The following CSMD1 variants were observed in gnomAD, a reference collection of about 807,000 sequenced individuals.
CSMD1 encodes CUB and Sushi multiple domains 1.
CSMD1 carries 213 observed loss-of-function variants against 417.5 expected under a neutral mutation model. That is an observed-to-expected ratio of 0.51 (90% confidence interval 0.46 to 0.57). CSMD1 has a LOEUF of 0.57. CSMD1 is among the 20% of genes least tolerant of loss of function. The pLI is 0.00. For missense variants in CSMD1, 6,923 were observed against 4,529.7 expected (o/e 1.53, Z -15.17); for synonymous variants, 2,862 against 1,736.8 (o/e 1.65, Z -16.11).
chr8:3,648,885 G>C (rs1033966823), intron 7 of CSMD1, among the ~76,000 whole-genome samples: 1 of 152,138 alleles, frequency 6.6e-6, no homozygotes, highest in Non-Finnish European at 1.5e-5. Context: ...GTTTCTGGTA[G>C]CTAGTGTTTT....
At chr8:3,570,161 C>G (rs1480842289) in intron 10 of CSMD1, among the ~76,000 whole-genome samples, 1 of 152,172 alleles carries the variant, frequency 6.6e-6, no homozygotes, top group Admixed American at 6.5e-5. Context: ...GAACATACAT[C>G]ATGAGTTTTA....
chr8:4,122,359 T>C (rs899374744), intron 3 of CSMD1, among the ~76,000 whole-genome samples: 3 of 152,164 alleles, frequency 2.0e-5, no homozygotes, highest in Non-Finnish European at 4.4e-5. Flanking sequence ...GGATTTACTA[T>C]ATACTCAGTG....
chr8:3,151,450 G>A lies in CSMD1; in HGVS notation c.5978C>T (p.Ser1993Phe). The change falls in exon 40 of 70, where the codon TCT becomes TTT. Residue 1993 changes from serine to phenylalanine, a missense_variant. Coordinates refer to ENST00000635120, the MANE Select transcript of CSMD1 (RefSeq NM_033225.6). ...GGTGCAGTCTAAGTTGTTGGGGTAA[G>A]AACCTGGGAAGCCGGGGCTCAGGAT... ...GVILSPGFPG[S>F]YPNNLDCTWR... 1 of 1,613,914 alleles carries A rather than the reference G, an allele frequency of 6.2e-7. No homozygotes were observed. Among genetic ancestry groups the A allele is most frequent in the African/African-American group, 1.3e-5 (1 of 75,040 alleles).
chr8:3,175,484 C>CCTGA (rs1820865428), intron 37 of CSMD1, among the ~76,000 whole-genome samples: 1 of 52,934 alleles, frequency 1.9e-5, no homozygotes. Flanking sequence ...TCCCTTCCTT[C>CCTGA]CTGCCTGCCT....
intron 7 of CSMD1, among the ~76,000 whole-genome samples, chr8:3,653,599 C>G (rs1230754173): frequency 6.6e-6 from 1 of 152,120 alleles, no homozygotes; most frequent in South Asian, 2.1e-4. Context: ...GTGAGCCACC[C>G]TGCCTGGCCA....
At chr8:4,910,801 C>T (rs1030556879) in intron 1 of CSMD1, among the ~76,000 whole-genome samples, 1 of 152,146 alleles carries the variant, frequency 6.6e-6, no homozygotes, top group Non-Finnish European at 1.5e-5. Context: ...TATAGTCATC[C>T]AATTGATAAA....
rs147921889 is a variant in CSMD1 at position 3,285,041 on chromosome 8, A to C, written c.3951-695T>G. Among the ~76,000 whole-genome samples the C allele has an allele frequency of 1.8e-4, 27 of 152,310 alleles. No individual in the cohort carries two copies. In the East Asian group the frequency reaches 3.9e-3, roughly 22 times the overall value. ...CATTCAGAGGCAGCAGGATCTATGT[A>C]GTCCTATTTAGGGCCATTGAAGCAA... On this transcript the variant is annotated intron_variant, in intron 25 of 69. Coordinates refer to ENST00000635120, the MANE Select transcript of CSMD1 (RefSeq NM_033225.6).
chr8:4,551,631 T>C (rs888558757), intron 2 of CSMD1, among the ~76,000 whole-genome samples: 1 of 152,100 alleles, frequency 6.6e-6, no homozygotes, highest in Admixed American at 6.6e-5. Flanking sequence ...CAGTTTAACA[T>C]ACAGGACAAT....
intron 3 of CSMD1, among the ~76,000 whole-genome samples, chr8:4,184,629 C>A (rs574234877): frequency 3.3e-5 from 5 of 151,974 alleles, no homozygotes; most frequent in Middle Eastern, 3.4e-3. Context: ...ATCAAATGTT[C>A]TCATTTATAA....
At chr8:4,129,033 G>A (rs534433059) in intron 3 of CSMD1, among the ~76,000 whole-genome samples, 5 of 138,376 alleles carry the variant, frequency 3.6e-5, no homozygotes, top group South Asian at 4.6e-4. Flanking sequence ...CCGAGATCGC[G>A]CCACTGCACT....
chr8:3,893,187 AG>A (rs1400828712), intron 5 of CSMD1, among the ~76,000 whole-genome samples: 1 of 151,558 alleles, frequency 6.6e-6, no homozygotes, highest in Non-Finnish European at 1.5e-5. Context: ...ACATGTTCCC[AG>A]GGCACGTCAG....
chr8:3,304,339 A>T (rs1320234716), intron 25 of CSMD1, among the ~76,000 whole-genome samples: 63 of 152,312 alleles, frequency 4.1e-4, no homozygotes, highest in Middle Eastern at 6.8e-3. Flanking sequence ...GCTAATATCA[A>T]GGCTAAGACC....
intron 3 of CSMD1, among the ~76,000 whole-genome samples, chr8:4,338,621 T>C (rs1283078391): frequency 2.0e-5 from 3 of 152,134 alleles, no homozygotes; most frequent in Admixed American, 6.6e-5. Flanking sequence ...AATCTTTAAA[T>C]TAGGTCCATA....
chr8:4,315,506 C>A (rs1173576903), intron 3 of CSMD1, among the ~76,000 whole-genome samples: 1 of 152,082 alleles, frequency 6.6e-6, no homozygotes, highest in Non-Finnish European at 1.5e-5. Context: ...AAAAGTGAAC[C>A]AATAAAGTAG....
chr8:4,066,100 T>G (rs957322394), intron 3 of CSMD1, among the ~76,000 whole-genome samples: 7 of 152,336 alleles, frequency 4.6e-5, no homozygotes, highest in Non-Finnish European at 4.4e-5. Flanking sequence ...AAAACAGTTC[T>G]GAGCTTCCCC....
intron 6 of CSMD1, 147 bp downstream of exon 6, chr8:3,753,783 T>A (rs1797492397): frequency 1.8e-6 from 1 of 546,610 alleles, no homozygotes; most frequent in Non-Finnish European, 3.3e-6. Context: ...AGCTGTCGAC[T>A]ATATGATTTC....
intron 7 of CSMD1, among the ~76,000 whole-genome samples, chr8:3,696,669 T>G (rs181579888): frequency 1.2e-4 from 18 of 152,348 alleles, no homozygotes; most frequent in Non-Finnish European, 1.8e-4. Flanking sequence ...CTCATCCATT[T>G]TGCAGATAAG....
intron 7 of CSMD1, among the ~76,000 whole-genome samples, chr8:3,619,065 C>T (rs1802288259): frequency 6.6e-6 from 1 of 151,742 alleles, no homozygotes; most frequent in South Asian, 2.1e-4. Context: ...ATTGCAAACC[C>T]ATGGGTACAC....
chr8:3,242,808 GCAGAAA>G (rs1563178218), intron 26 of CSMD1, among the ~76,000 whole-genome samples: 4 of 36,092 alleles, frequency 1.1e-4, no homozygotes, highest in Admixed American at 3.6e-4. Flanking sequence ...GGGTTGGGGC[GCAGAAA>G]TAAGGGGTTG....
Sources: gnomAD v4.1 joint callset for allele counts (sites outside exome capture counted in the v4.1 genomes callset) on GRCh38, gnomAD v4.1.1 for gene constraint, MANE v1.5 for transcripts, NCBI Gene and HGNC (gene_info 2026-07-23, HGNC 2026-07-21) for gene names.